DYNC2H1: variants seen among roughly 807,000 people sequenced by gnomAD.
The protein encoded by DYNC2H1 is dynein cytoplasmic 2 heavy chain 1, also known as cytoplasmic dynein 2 heavy chain 1.
In DYNC2H1, 410 loss-of-function variants were observed where a neutral mutation model predicts 570.0. The ratio of observed to expected loss-of-function variants is 0.72; its 90% CI spans 0.66 to 0.78. DYNC2H1 has a LOEUF of 0.78. Ranked by LOEUF, DYNC2H1 falls within the 30% of genes least tolerant of loss-of-function variation. The pLI, the probability that DYNC2H1 is intolerant of heterozygous loss-of-function variation, is 0.00. For missense variants in DYNC2H1, 4,865 were observed against 5,046.4 expected, an observed-to-expected ratio of 0.96 and a Z score of 1.09; for synonymous variants, 1,688 against 1,677.6, an observed-to-expected ratio of 1.01 and a Z score of -0.15.
intron 3 of DYNC2H1, 132 bp from the exon 4 acceptor site, chr11:103,115,045 G>T: frequency 1.9e-6 from 1 of 527,000 alleles, no homozygotes; most frequent in Admixed American, 3.5e-5. Flanking sequence ...CAATAAGGAA[G>T]TGTCACCTAT....
In DYNC2H1 at chr11:103,189,739, C is replaced by A. The variant is rs747012196; in HGVS notation, c.7360C>A (p.Leu2454Met). ...AYLEPVLHKN[L>M]KNHSIWGSSS... Reference sequence around the variant, plus strand: ...TTTGGAACCAGTTCTACATAAAAATCTGAAGAATCATTCTATTTGGGGTTC... The same window carrying A: ...TTTGGAACCAGTTCTACATAAAAATATGAAGAATCATTCTATTTGGGGTTC... Residue 2454 changes from leucine to methionine, a missense_variant, in exon 45 of 89, where the codon CTG (leucine) becomes ATG (methionine). By Grantham distance (15) the Leu-to-Met change is conservative. Around this residue, in one of 5 missense-constraint regions of DYNC2H1, gnomAD observed 2,401 missense variants for 2,454.6 expected, o/e 0.98. Coordinates refer to ENST00000375735, the MANE Select transcript of DYNC2H1 (RefSeq NM_001377.3). The surrounding 1 kb of genome is among the most constrained non-coding windows in gnomAD (Gnocchi z 4.3). 3.7e-6 allele frequency: 6 copies of A among 1,612,768 alleles called. No homozygotes were observed. Among genetic ancestry groups the A allele is most frequent in the Non-Finnish European group, 5.1e-6 (6 of 1,179,324 alleles).
At chr11:103,387,046 T>G in intron 83 of DYNC2H1, among the ~76,000 whole-genome samples, 1 of 152,152 alleles carries the variant, frequency 6.6e-6, no homozygotes, top group Non-Finnish European at 1.5e-5. Flanking sequence ...AAATGGTATT[T>G]CTAGTTCTAG....
rs1384823616 is a variant in DYNC2H1, at chr11:103,461,712, C to T, written c.12648+5356C>T. ...CAATTCCCTAGAAAATGTAAACATC[C>T]TTTGGTCTTCAAGGTTTTTTTTTTT... On this transcript the variant is annotated intron_variant, in intron 87 of 88. Coordinates refer to ENST00000375735, the MANE Select transcript of DYNC2H1 (RefSeq NM_001377.3). This position sits in a 1 kb window ranked among gnomAD's most constrained non-coding sequence, Gnocchi z 4.8. Among the ~76,000 whole-genome samples the T allele has an allele frequency of 8.1e-6, 1 of 124,084 alleles. No homozygotes were observed. The highest frequency in any genetic ancestry group is 1.6e-5 in the Non-Finnish European group (1 of 62,086). 81.4% of individuals were successfully genotyped at this position (124,084 alleles called of 152,430 possible). A position where few individuals can be genotyped will look rare whatever the true frequency, so the allele number is the denominator to read the frequency against.
intron 21 of DYNC2H1, 97 bp from the exon 22 acceptor site, chr11:103,153,206 T>C (rs1289630337): frequency 1.6e-5 from 17 of 1,094,990 alleles, no homozygotes; most frequent in Non-Finnish European, 2.5e-6. Context: ...TCATTGATAT[T>C]TTTTCACTTT....
Position 103,364,324 on chromosome 11 carries a change from T to G in DYNC2H1, c.12156+5965T>G, listed in dbSNP as rs144722195. 5.1e-3 allele frequency among the ~76,000 whole-genome samples: 578 copies of G among 114,198 alleles called. 4 individuals carry two copies. The highest frequency in any genetic ancestry group is 0.014 in the African/African-American group (555 of 38,860). The allele number at this position is 114,198 out of a possible 152,430, so 74.9% of individuals were successfully genotyped here. The stretch of plus-strand genomic sequence containing the variant: ...TTCGTGAGAAGCAGTTTCCTTTTGA[T>G]GATTTTTTTTTTTTTAAGGGCTGGT... On this transcript the variant is annotated intron_variant, in intron 83 of 88. Transcript: ENST00000375735.
chr11:103,382,238 G>T (rs1420370293), intron 83 of DYNC2H1, among the ~76,000 whole-genome samples: 1 of 152,080 alleles, frequency 6.6e-6, no homozygotes, highest in African/African-American at 2.4e-5. Flanking sequence ...GATAAGAGGT[G>T]CATATAAAAG....
chr11:103,207,643 G>A (rs981203416), intron 52 of DYNC2H1, among the ~76,000 whole-genome samples: 1 of 152,130 alleles, frequency 6.6e-6, no homozygotes, highest in African/African-American at 2.4e-5. Flanking sequence ...TAGTTTGGGA[G>A]AGTGAAAGAG....
rs1862616391 is a variant in DYNC2H1 at position 103,199,123 on chromosome 11, T to C, written c.7840-105T>C. ...ATGATATGTAGTCACTTTACTTTTT[T>C]TCTTGAATGTATCAAAAATATAATA... On this transcript the variant is annotated intron_variant, in intron 48 of 88. Transcript: ENST00000375735. The surrounding 1 kb of genome is among the most constrained non-coding windows in gnomAD (Gnocchi z 4.6). 4 of 775,422 alleles carry C rather than the reference T, an allele frequency of 5.2e-6. No homozygotes were observed. In the East Asian group the frequency reaches 1.2e-4, roughly 23 times the overall value. 48.0% of individuals were successfully genotyped at this position (775,422 alleles called of 1,614,324 possible).
intron 80 of DYNC2H1, among the ~76,000 whole-genome samples, chr11:103,320,266 G>T (rs1938100315): frequency 6.6e-6 from 1 of 152,096 alleles, no homozygotes; most frequent in South Asian, 2.1e-4. Flanking sequence ...TAGCGGCGTG[G>T]TGGCATGCGC....
chr11:103,117,782 G>C lies in DYNC2H1; in HGVS notation c.918G>C (p.Trp306Cys). 1 of 1,613,304 alleles carries C rather than the reference G, an allele frequency of 6.2e-7. No homozygotes were observed. Among genetic ancestry groups the C allele is most frequent in the Non-Finnish European group, 8.5e-7 (1 of 1,179,444 alleles). ...IVCNHLTGQVWQRYVPHPWKN... is the reference protein window; with the variant it reads ...IVCNHLTGQVCQRYVPHPWKN... ...GTAATCATCTAACAGGTCAGGTGTG[G>C]CAGCGCTATGTTCCTCATCCATGGA... The change falls in exon 6 of 89, where the codon TGG becomes TGC. Residue 306 changes from tryptophan (W) to cysteine (C), a missense_variant. By Grantham distance (215) the Trp-to-Cys change is radical. Coordinates refer to ENST00000375735, the MANE Select transcript of DYNC2H1 (RefSeq NM_001377.3).
chr11:103,163,090 T>C lies in DYNC2H1; in HGVS notation c.4554T>C (p.Cys1518=). 1 of 1,613,370 alleles carries C rather than the reference T, an allele frequency of 6.2e-7. No individual in the cohort carries two copies. Among genetic ancestry groups the C allele is most frequent in the Non-Finnish European group, 8.5e-7 (1 of 1,179,416 alleles). ...KKTLEQLLKE[C]VTTGRSSQGA... The stretch of plus-strand genomic sequence containing the variant: ...CTTTGGAACAGTTGTTGAAGGAATG[T>C]GTTACTACTGGGCGAAGTTCTCAAG... Residue 1518 remains cysteine (C), a synonymous_variant, in exon 30 of 89, where the codon TGT becomes TGC. Coordinates refer to ENST00000375735, the MANE Select transcript of DYNC2H1 (RefSeq NM_001377.3). The surrounding 1 kb of genome is among the most constrained non-coding windows in gnomAD (Gnocchi z 4.6).
rs1398009495 is a variant in DYNC2H1 at position 103,326,405 on chromosome 11, G to A, written c.12039+2415G>A. On this transcript the variant is annotated intron_variant, in intron 82 of 88. Coordinates refer to ENST00000375735, the MANE Select transcript of DYNC2H1 (RefSeq NM_001377.3). The surrounding 1 kb of genome is among the most constrained non-coding windows in gnomAD (Gnocchi z 6.1). Reference sequence around the variant, plus strand: ...GATAGGCCGGCCATACGCTTTCTGGGCCAGCCCTGTGGAGGGACGTACGAA... The same window carrying A: ...GATAGGCCGGCCATACGCTTTCTGGACCAGCCCTGTGGAGGGACGTACGAA... Among the ~76,000 whole-genome samples, 3 of 152,116 alleles carry A rather than the reference G, an allele frequency of 2.0e-5. No individual in the cohort carries two copies. Among genetic ancestry groups the A allele is most frequent in the Non-Finnish European group, 4.4e-5 (3 of 68,022 alleles).
intron 59 of DYNC2H1, among the ~76,000 whole-genome samples, chr11:103,226,763 T>G (rs1274434268): frequency 6.6e-6 from 1 of 152,192 alleles, no homozygotes; most frequent in Non-Finnish European, 1.5e-5. Flanking sequence ...TCTCTATGTT[T>G]TTGAATAGTG....
intron 84 of DYNC2H1, chr11:103,405,679 A>G (rs1429764324): frequency 6.6e-6 from 1 of 151,996 alleles, no homozygotes. Context: ...AACATTATAA[A>G]TCTGACCATC....
At chr11:103,154,132 T>A (rs1860696504) in intron 22 of DYNC2H1, among the ~76,000 whole-genome samples, 1 of 151,816 alleles carries the variant, frequency 6.6e-6, no homozygotes, top group African/African-American at 2.4e-5. Context: ...TCTTGAATAT[T>A]TACATATATA....
intron 17 of DYNC2H1, among the ~76,000 whole-genome samples, chr11:103,138,877 G>A (rs1448370374): frequency 7.2e-5 from 11 of 151,982 alleles, no homozygotes; most frequent in Non-Finnish European, 1.3e-4. Context: ...ATTGATTATT[G>A]CCACAATTTC....
intron 68 of DYNC2H1, among the ~76,000 whole-genome samples, chr11:103,257,386 A>G (rs1018470220): frequency 3.9e-5 from 6 of 152,198 alleles, no homozygotes; most frequent in Admixed American, 3.9e-4. Context: ...ACTAAGACAT[A>G]TATTCTTTGC....
At chr11:103,462,135 C>G (rs553474475) in intron 87 of DYNC2H1, among the ~76,000 whole-genome samples, 8 of 152,196 alleles carry the variant, frequency 5.3e-5, no homozygotes, top group Admixed American at 4.6e-4. Context: ...ATATCTAAAT[C>G]AGGTTCCACC....
chr11:103,170,082 T>C lies in DYNC2H1; in HGVS notation c.4969-26T>C. On this transcript the variant is annotated intron_variant, in intron 32 of 88. Transcript: ENST00000375735. This position sits in a 1 kb window ranked among gnomAD's most constrained non-coding sequence, Gnocchi z 4.8. The stretch of plus-strand genomic sequence containing the variant: ...TAAATGTTGAATAGAACATGAATAC[T>C]CTGACTTTGTGTTGTTCTTGTATAG... 1 of 1,568,752 alleles carries C rather than the reference T, an allele frequency of 6.4e-7. No individual in the cohort carries two copies. Among genetic ancestry groups the C allele is most frequent in the South Asian group, 1.2e-5 (1 of 81,848 alleles).
Sources: allele counts gnomAD v4.1 joint callset (sites outside exome capture counted in the v4.1 genomes callset), GRCh38; gene constraint gnomAD v4.1.1; regional missense constraint gnomAD v4.1.1; non-coding constraint Gnocchi (gnomAD v3.1); transcripts MANE v1.5; gene names NCBI Gene and HGNC (gene_info 2026-07-23, HGNC 2026-07-21).